The following MPEG1 variants were observed in gnomAD, a reference collection of about 807,000 sequenced individuals.
MPEG1 encodes macrophage-expressed gene 1 protein.
For synonymous variants in MPEG1, 365 were observed against 351.9 expected (o/e 1.04, Z -0.42); for missense variants, 876 against 880.3 (o/e 1.00, Z 0.06).
In MPEG1 at chr11:59,211,138, A is replaced by G; in HGVS notation, c.1728T>C (p.Tyr576=). The change falls in exon 1 of 1, where the codon TAT becomes TAC. Residue 576 remains tyrosine, a synonymous_variant. Coordinates refer to ENST00000361050, the MANE Select transcript of MPEG1 (RefSeq NM_001039396.2). ...ALISDGCQVS[Y]CVKSGLFTGG... ...CTGTGAAGAGCCCGGATTTGACGCA[A>G]TAGGACACTTGGCATCCATCGCTGA... The G allele has an allele frequency of 1.2e-6, 2 of 1,614,200 alleles. No individual in the cohort carries two copies. Among genetic ancestry groups the G allele is most frequent in the Non-Finnish European group, 1.7e-6 (2 of 1,180,036 alleles).
chr11:59,211,071 G>C lies in MPEG1; in HGVS notation c.1795C>G (p.Pro599Ala), dbSNP rs1300909896. ...GTGGCAGCCTGACTCATGAGGGGTG[G>C]CCGGGTGAAAGGTGGGAGCCTGGCA... ...PPARLPPFTR[P>A]PLMSQAATNT... Residue 599 changes from proline (P) to alanine (A), a missense_variant, in exon 1 of 1, where the codon CCA (proline) becomes GCA (alanine). Pro to Ala is a conservative substitution (Grantham distance 27). Coordinates refer to ENST00000361050, the MANE Select transcript of MPEG1 (RefSeq NM_001039396.2). The C allele has an allele frequency of 6.2e-7, 1 of 1,614,112 alleles. No individual in the cohort carries two copies. Among genetic ancestry groups the C allele is most frequent in the East Asian group, 2.2e-5 (1 of 44,900 alleles).
In MPEG1 at chr11:59,209,051, A is replaced by G. The variant is rs1045434083; in HGVS notation, c.*1664T>C. ...CTTGGCTAAAATGTACAAAACACCC[A>G]GAACCCACAAAACACTCAGAGGTTT... On this transcript the variant is annotated 3_prime_UTR_variant, in exon 1 of 1. Transcript: ENST00000361050. 19 of 152,360 alleles carry G rather than the reference A, an allele frequency of 1.2e-4. No homozygotes were observed. Among genetic ancestry groups the G allele is most frequent in the African/African-American group, 4.6e-4 (19 of 41,588 alleles). The allele number at this position is 152,360 out of a possible 1,614,324, so 9.4% of individuals were successfully genotyped here.
At position 59,211,068 on chromosome 11, in the gene MPEG1, G is replaced by C; in HGVS notation, c.1798C>G (p.Pro600Ala). ...PARLPPFTRP[P>A]LMSQAATNTV... ...TTGGTGGCAGCCTGACTCATGAGGG[G>C]TGGCCGGGTGAAAGGTGGGAGCCTG... The change falls in exon 1 of 1, where the codon CCC (proline) becomes GCC (alanine). Residue 600 changes from proline (P) to alanine (A), a missense_variant. Coordinates refer to ENST00000361050, the MANE Select transcript of MPEG1 (RefSeq NM_001039396.2). 6.2e-7 allele frequency: 1 copy of C among 1,614,164 alleles called. No individual in the cohort carries two copies. The highest frequency in any genetic ancestry group is 2.2e-5 in the East Asian group (1 of 44,878).
At position 59,212,689 on chromosome 11, in the gene MPEG1, C is replaced by T; in HGVS notation, c.177G>A (p.Met59Ile). ...GGWDNLRNVD[M>I]GRVMELTYSN... ...AGTAAGTCAATTCCATAACTCGTCC[C>T]ATGTCCACATTCCGCAGATTGTCCC... Residue 59 changes from methionine (M) to isoleucine (I), a missense_variant, in exon 1 of 1, where the codon ATG (methionine) becomes ATA (isoleucine). Met to Ile is a conservative substitution (Grantham distance 10, BLOSUM62 1). Coordinates refer to ENST00000361050, the MANE Select transcript of MPEG1 (RefSeq NM_001039396.2). 4.3e-6 allele frequency: 7 copies of T among 1,614,234 alleles called. No individual in the cohort carries two copies. The highest frequency in any genetic ancestry group is 5.9e-6 in the Non-Finnish European group (7 of 1,180,046).
At position 59,212,833 on chromosome 11, in the gene MPEG1, C is replaced by T; in HGVS notation, c.33G>A (p.Trp11Ter). The T allele has an allele frequency of 6.2e-7, 1 of 1,614,086 alleles. No individual in the cohort carries two copies. The highest frequency in any genetic ancestry group is 8.5e-7 in the Non-Finnish European group (1 of 1,179,978). Residue 11 changes from tryptophan (W) to a stop codon, truncating the protein, a stop_gained, in exon 1 of 1, where the codon TGG (tryptophan) becomes TGA (stop). Coordinates refer to ENST00000361050, the MANE Select transcript of MPEG1 (RefSeq NM_001039396.2). LOFTEE classifies it low-confidence loss of function (END_TRUNC). ...CTGATTTAGCCCATGCTGCCGCTGC[C>T]CAGAAGAGGATGGTGGCCCTGAAGT... MNNFRATILF[W>*]AAAAWAKSGK...
rs1240304397 is a variant in MPEG1, at chr11:59,212,910, G to T, written c.-45C>A. On this transcript the variant is annotated 5_prime_UTR_variant, in exon 1 of 1. The change creates a new upstream start codon in the 5' untranslated region. Coordinates refer to ENST00000361050, the MANE Select transcript of MPEG1 (RefSeq NM_001039396.2). ...ACTCACCAGCCCTACACAGCGGCCA[G>T]CAAGCTTTGGGCAAACTAAGATGGA... 2 of 1,536,352 alleles carry T rather than the reference G, an allele frequency of 1.3e-6. No homozygotes were observed. Among genetic ancestry groups the T allele is most frequent in the Non-Finnish European group, 1.8e-6 (2 of 1,125,062 alleles).
rs1311881439 is a variant in MPEG1 at position 59,212,194 on chromosome 11, G to A, written c.672C>T (p.Ser224=). 1 of 1,614,056 alleles carries A rather than the reference G, an allele frequency of 6.2e-7. No individual in the cohort carries two copies. Among genetic ancestry groups the A allele is most frequent in the South Asian group, 1.1e-5 (1 of 91,082 alleles). ...GACTGCTCTGGCTGTCTTGGAGGAA[G>A]GAGGCCCTGAGGTGGTCCTCCTGAA... ...ALIQEDHLRA[S]FLQDSQSSRS... is the part of the protein sequence containing the mutation. Residue 224 remains serine (S), a synonymous_variant, in exon 1 of 1, where the codon TCC becomes TCT. Coordinates refer to ENST00000361050, the MANE Select transcript of MPEG1 (RefSeq NM_001039396.2).
Position 59,209,067 on chromosome 11 carries a change from T to C in MPEG1, c.*1648A>G, listed in dbSNP as rs2135530744. 1 of 152,222 alleles carries C rather than the reference T, an allele frequency of 6.6e-6. No individual in the cohort carries two copies. The highest frequency in any genetic ancestry group is 1.5e-5 in the Non-Finnish European group (1 of 68,022). The allele number at this position is 152,222 out of a possible 1,614,324, so 9.4% of individuals were successfully genotyped here. A position where few individuals can be genotyped will look rare whatever the true frequency, so the allele number is the denominator to read the frequency against. ...AAAACACCCAGAACCCACAAAACAC[T>C]CAGAGGTTTAGGAGAATGTTTTAAT... On this transcript the variant is annotated 3_prime_UTR_variant, in exon 1 of 1. Coordinates refer to ENST00000361050, the MANE Select transcript of MPEG1 (RefSeq NM_001039396.2).
Position 59,211,604 on chromosome 11 carries a change from A to G in MPEG1, c.1262T>C (p.Leu421Pro), listed in dbSNP as rs1254932882. ...ACCCTCCTCGTGGATCTGGGATAAC[A>G]GGTGCACCGGGGAGTAGCCAGAGGG... is the stretch of plus-strand genomic sequence containing the variant. ...SCPSGYSPVH[L>P]LSQIHEEGYN... Residue 421 changes from leucine (L) to proline (P), a missense_variant, in exon 1 of 1, where the codon CTG (leucine) becomes CCG (proline). Transcript: ENST00000361050. The G allele has an allele frequency of 1.2e-6, 2 of 1,614,176 alleles. No homozygotes were observed. Among genetic ancestry groups the G allele is most frequent in the South Asian group, 2.2e-5 (2 of 91,086 alleles).
rs747020614 is a variant in MPEG1, at chr11:59,212,437, G to A, written c.429C>T (p.Asp143=). 1.2e-6 allele frequency: 2 copies of A among 1,614,160 alleles called. No individual in the cohort carries two copies. Among genetic ancestry groups the A allele is most frequent in the Non-Finnish European group, 1.7e-6 (2 of 1,180,048 alleles). Residue 143 remains aspartate (D), a synonymous_variant, in exon 1 of 1, where the codon GAC becomes GAT. Coordinates refer to ENST00000361050, the MANE Select transcript of MPEG1 (RefSeq NM_001039396.2). The stretch of plus-strand genomic sequence containing the variant: ...CCTGAACTCGGGTAGTTATAGCTTG[G>A]TCCTTCACTTGGAGGGTCTTCATCC... ...FQRMKTLQVK[D]QAITTRVQVR... is the part of the protein sequence containing the mutation.
chr11:59,212,766 A>C lies in MPEG1; in HGVS notation c.100T>G (p.Cys34Gly). Reference protein sequence around the residue: ...GEMDEVGVQKCKNALKLPVLE... With the variant: ...GEMDEVGVQKGKNALKLPVLE... ...ACAGGTAGTTTCAAGGCATTCTTGC[A>C]TTTTTGAACTCCAACTTCGTCCATC... The change falls in exon 1 of 1, where the codon TGC (cysteine) becomes GGC (glycine). Residue 34 changes from cysteine to glycine, a missense_variant. Transcript: ENST00000361050. 6.2e-7 allele frequency: 1 copy of C among 1,614,160 alleles called. No homozygotes were observed.
At position 59,208,745 on chromosome 11, in the gene MPEG1, T is replaced by G. The variant is rs1379746514; in HGVS notation, c.*1970A>C. The G allele has an allele frequency of 6.6e-6, 1 of 152,224 alleles. No homozygotes were observed. Among genetic ancestry groups the G allele is most frequent in the Non-Finnish European group, 1.5e-5 (1 of 68,040 alleles). The allele number at this position is 152,224 out of a possible 1,614,324, so 9.4% of individuals were successfully genotyped here. ...CCTGTGAGCTCTTCCATCAGGGATC[T>G]GACTCCGCAAAACGACTTGATGAAT... is the stretch of plus-strand genomic sequence containing the variant. On this transcript the variant is annotated 3_prime_UTR_variant, in exon 1 of 1. Transcript: ENST00000361050.
In MPEG1 at chr11:59,208,921, GT is replaced by G. The variant is rs1339588384; in HGVS notation, c.*1793del. ...CTTCTCATTTCAATAGGCAGTTAAT[GT>G]AATGCATTAAAAGCCTGGGAATTTG... On this transcript the variant is annotated 3_prime_UTR_variant, in exon 1 of 1. Coordinates refer to ENST00000361050, the MANE Select transcript of MPEG1 (RefSeq NM_001039396.2). The G allele has an allele frequency of 6.6e-6, 1 of 152,222 alleles. No individual in the cohort carries two copies. The highest frequency in any genetic ancestry group is 1.9e-4 in the East Asian group (1 of 5,208). 9.4% of individuals were successfully genotyped at this position (152,222 alleles called of 1,614,324 possible).
Position 59,212,034 on chromosome 11 carries a change from T to A in MPEG1, c.832A>T (p.Ile278Phe). Reference protein sequence around the residue: ...SNRTNSRVQSIGGVPFYPGIT... With the variant: ...SNRTNSRVQSFGGVPFYPGIT... ...CCTGGGTAAAAAGGAACCCCTCCAA[T>A]GCTCTGCACCCTGGAGTTGGTTCGG... Residue 278 changes from isoleucine (I) to phenylalanine (F), a missense_variant, in exon 1 of 1, where the codon ATT becomes TTT. Coordinates refer to ENST00000361050, the MANE Select transcript of MPEG1 (RefSeq NM_001039396.2). 6.2e-7 allele frequency: 1 copy of A among 1,611,348 alleles called. No homozygotes were observed.
chr11:59,210,674 G>T lies in MPEG1; in HGVS notation c.*41C>A. ...TTAGGAAAACAGAGTGGTCAGCAAT[G>T]ACCACACTGGAGATGAGAGAAACCA... On this transcript the variant is annotated 3_prime_UTR_variant, in exon 1 of 1. Transcript: ENST00000361050. The T allele has an allele frequency of 1.3e-6, 2 of 1,567,268 alleles. No individual in the cohort carries two copies. Among genetic ancestry groups the T allele is most frequent in the South Asian group, 2.3e-5 (2 of 85,462 alleles).
Position 59,211,262 on chromosome 11 carries a change from G to A in MPEG1, c.1604C>T (p.Thr535Ile). 6.2e-7 allele frequency: 1 copy of A among 1,614,182 alleles called. No homozygotes were observed. The highest frequency in any genetic ancestry group is 1.3e-5 in the African/African-American group (1 of 75,036). Residue 535 changes from threonine to isoleucine, a missense_variant, in exon 1 of 1, where the codon ACA becomes ATA. Thr to Ile is a moderately conservative substitution (Grantham distance 89). Transcript: ENST00000361050. ...AGGATCTACCAGGGGGTTCCCAACT[G>A]TGCAGCTAAAGAACCCGCCAAAGGG... ...AVPFGGFFSC[T>I]VGNPLVDPAI...
In MPEG1 at chr11:59,212,030, C is replaced by T. The variant is rs753955524; in HGVS notation, c.836G>A (p.Gly279Glu). ...GATGCCTGGGTAAAAAGGAACCCCTCCAATGCTCTGCACCCTGGAGTTGGT... is the reference window on the plus strand; with the variant it reads ...GATGCCTGGGTAAAAAGGAACCCCTTCAATGCTCTGCACCCTGGAGTTGGT... The part of the protein sequence containing the change: ...NRTNSRVQSI[G>E]GVPFYPGITL... The change falls in exon 1 of 1, where the codon GGA becomes GAA. Residue 279 changes from glycine to glutamate, a missense_variant. Physicochemically the swap from Gly to Glu is moderately conservative, Grantham distance 98. Coordinates refer to ENST00000361050, the MANE Select transcript of MPEG1 (RefSeq NM_001039396.2). The T allele has an allele frequency of 1.9e-6, 3 of 1,610,740 alleles. No homozygotes were observed. The South Asian group carries it at 3.3e-5, about 18-fold the overall frequency.
In MPEG1 at chr11:59,212,509, G is replaced by C. The variant is rs982236204; in HGVS notation, c.357C>G (p.Leu119=). The C allele has an allele frequency of 6.2e-6, 10 of 1,614,088 alleles. No individual in the cohort carries two copies. The African/African-American group carries it at 1.3e-4, about 22-fold the overall frequency. The part of the protein sequence containing the change: ...SSTSYSINTE[L]SLFSKVNGKF... Reference sequence around the variant, plus strand: ...TGCCATTGACTTTGGAAAAAAGAGAGAGTTCTGTGTTGATGGAGTAGGAGG... The same window carrying C: ...TGCCATTGACTTTGGAAAAAAGAGACAGTTCTGTGTTGATGGAGTAGGAGG... Residue 119 remains leucine, a synonymous_variant, in exon 1 of 1, where the codon CTC becomes CTG. Coordinates refer to ENST00000361050, the MANE Select transcript of MPEG1 (RefSeq NM_001039396.2).
In MPEG1 at chr11:59,211,772, TC is replaced by T; in HGVS notation, c.1093del (p.Asp365MetfsTer9). The T allele has an allele frequency of 6.2e-7, 1 of 1,614,172 alleles. No individual in the cohort carries two copies. Among genetic ancestry groups the T allele is most frequent in the Non-Finnish European group, 8.5e-7 (1 of 1,180,040 alleles). On this transcript the variant is annotated frameshift_variant, in exon 1 of 1. Coordinates refer to ENST00000361050, the MANE Select transcript of MPEG1 (RefSeq NM_001039396.2). LOFTEE classifies it low-confidence loss of function (END_TRUNC). ...CATTTTCCCCTCGCAGGAGCCATCA[TC>T]CGTGTTGGCCTGAAAATTGAAGTTG... ...SPNFNFQANT[D>X]DGSCEGKMTN...
Sources: allele counts gnomAD v4.1 joint callset, GRCh38; gene constraint gnomAD v4.1.1; transcripts MANE v1.5; gene names NCBI Gene and HGNC (gene_info 2026-07-23, HGNC 2026-07-21).